The following HTRA4 variants were observed in gnomAD, a reference collection of about 807,000 sequenced individuals.
HTRA4 encodes serine protease HTRA4.
HTRA4 carries 46 observed loss-of-function variants against 49.1 expected under a neutral mutation model. That is an observed-to-expected ratio of 0.94 (90% CI 0.74 to 1.20). HTRA4 has a LOEUF of 1.20. HTRA4 is among the 50% of genes most tolerant of loss of function. The pLI, the probability that HTRA4 is intolerant of heterozygous loss-of-function variation, is 0.00. For missense variants in HTRA4, 602 were observed against 636.9 expected, an observed-to-expected ratio of 0.95 and a Z score of 0.59; for synonymous variants, 261 against 264.0, an observed-to-expected ratio of 0.99 and a Z score of 0.11.
Position 38,982,563 on chromosome 8 carries a change from T to C in HTRA4, c.1172+8T>C, listed in dbSNP as rs763037727. On this transcript the variant is annotated splice_region_variant and intron_variant, in intron 7 of 8. Coordinates refer to ENST00000302495, the MANE Select transcript of HTRA4 (RefSeq NM_153692.4). Reference sequence around the variant, plus strand: ...GCTGTCCCTCACTGTGCCGTAAGCATGTGTTTGAATATGTCTGGGTTGTTT... The same window carrying C: ...GCTGTCCCTCACTGTGCCGTAAGCACGTGTTTGAATATGTCTGGGTTGTTT... The C allele has an allele frequency of 2.5e-6, 4 of 1,613,790 alleles. No homozygotes were observed. Among genetic ancestry groups the C allele is most frequent in the African/African-American group, 2.7e-5 (2 of 74,910 alleles).
In HTRA4 at chr8:38,982,411, CAA is replaced by C. The variant is rs954101757; in HGVS notation, c.1115-85_1115-84del. The C allele has an allele frequency of 8.6e-6, 10 of 1,162,832 alleles. No homozygotes were observed. In the Admixed American group the frequency reaches 9.0e-5, roughly 11 times the overall value. The allele number at this position is 1,162,832 out of a possible 1,614,324, so 72.0% of individuals were successfully genotyped here. On this transcript the variant is annotated intron_variant, in intron 6 of 8. Transcript: ENST00000302495. Reference sequence around the variant, plus strand: ...TAACCTGAAAGGACAGCTGTGATGGCAAAGAGATCCTGGGACATGGGTGTCTT... The same window carrying C: ...TAACCTGAAAGGACAGCTGTGATGGCAGAGATCCTGGGACATGGGTGTCTT...
chr8:38,981,772 A>G lies in HTRA4; in HGVS notation c.1114+5A>G. Reference sequence around the variant, plus strand: ...ACCATGAGCACCAGATGAAAGGTAAAGCAAGTTGGGATTTTTTTTTTTTTG... The same window carrying G: ...ACCATGAGCACCAGATGAAAGGTAAGGCAAGTTGGGATTTTTTTTTTTTTG... On this transcript the variant is annotated splice_donor_5th_base_variant and intron_variant, in intron 6 of 8. Coordinates refer to ENST00000302495, the MANE Select transcript of HTRA4 (RefSeq NM_153692.4). 6.3e-7 allele frequency: 1 copy of G among 1,598,290 alleles called. No homozygotes were observed. Among genetic ancestry groups the G allele is most frequent in the Non-Finnish European group, 8.6e-7 (1 of 1,168,340 alleles).
intron 1 of HTRA4, 108 bp from the exon 2 acceptor site, chr8:38,974,923 C>G (rs1835327306): frequency 7.3e-7 from 1 of 1,370,590 alleles, no homozygotes; most frequent in Non-Finnish European, 1.0e-6. Context: ...CGTGGTTTCT[C>G]CCTCCCCATG....
chr8:38,974,494 T>G lies in HTRA4; in HGVS notation c.231T>G (p.Arg77=). The change falls in exon 1 of 9, where the codon CGT becomes CGG. Residue 77 remains arginine, a synonymous_variant. Transcript: ENST00000302495. ...GCCGCGTCTGCCCCGCGGCCGAGCG[T>G]GAAGTCTGCGGCGGGGCGCAGGGCC... is the stretch of plus-strand genomic sequence containing the variant. ...RCCRVCPAAE[R]EVCGGAQGQP... 6.6e-7 allele frequency: 1 copy of G among 1,510,222 alleles called. No individual in the cohort carries two copies. Among genetic ancestry groups the G allele is most frequent in the Non-Finnish European group, 8.8e-7 (1 of 1,137,192 alleles). The allele number at this position is 1,510,222 out of a possible 1,614,324, so 93.6% of individuals were successfully genotyped here. A position where few individuals can be genotyped will look rare whatever the true frequency, so the allele number is the denominator to read the frequency against.
chr8:38,976,480 G>T, intron 2 of HTRA4, 55 bp from the exon 3 acceptor site: 1 of 1,508,322 alleles, frequency 6.6e-7, no homozygotes, highest in Non-Finnish European at 9.2e-7. Flanking sequence ...AGATTATATG[G>T]CTGTATCCCC....
Position 38,974,701 on chromosome 8 carries a change from T to C in HTRA4, c.438T>C (p.Pro146=). 3 of 1,420,250 alleles carry C rather than the reference T, an allele frequency of 2.1e-6. No homozygotes were observed. Among genetic ancestry groups the C allele is most frequent in the Non-Finnish European group, 2.7e-6 (3 of 1,097,370 alleles). The allele number at this position is 1,420,250 out of a possible 1,614,324, so 88.0% of individuals were successfully genotyped here. The change falls in exon 1 of 9, where the codon CCT becomes CCC. Residue 146 remains proline, a synonymous_variant. Coordinates refer to ENST00000302495, the MANE Select transcript of HTRA4 (RefSeq NM_153692.4). ...GCCTGGGCAAGGTCCCGGCCGTGCC[T>C]GTGCAGTGGGGGAACTGCGGGGATA... ...ARRLGKVPAV[P]VQWGNCGDTG... is the part of the protein sequence containing the mutation.
intron 3 of HTRA4, among the ~76,000 whole-genome samples, chr8:38,977,172 G>A (rs1363957171): frequency 6.6e-6 from 1 of 151,918 alleles, no homozygotes; most frequent in East Asian, 1.9e-4. Context: ...CTGACCTCAA[G>A]TGATCCGCCC....
At chr8:38,981,861 G>GTTTTT in intron 6 of HTRA4, 94 bp downstream of exon 6, 1 of 896,484 alleles carries the variant, frequency 1.1e-6, no homozygotes, top group Non-Finnish European at 1.8e-6. Context: ...TTTTGTTTTT[G>GTTTTT]TTTTTGAGAC....
At chr8:38,980,574 A>AAC (rs1835406092) in intron 5 of HTRA4, among the ~76,000 whole-genome samples, 1 of 30,586 alleles carries the variant, frequency 3.3e-5, no homozygotes, top group Non-Finnish European at 6.1e-5. Context: ...CCTAACATAC[A>AAC]AAAAAAAAAA....
intron 8 of HTRA4, among the ~76,000 whole-genome samples, chr8:38,984,292 C>G (rs982620011): frequency 6.6e-6 from 1 of 151,792 alleles, no homozygotes; most frequent in Non-Finnish European, 1.5e-5. Context: ...TGAGCCACCA[C>G]GCCTGGCCAT....
At chr8:38,976,007 A>G (rs375832100) in intron 2 of HTRA4, among the ~76,000 whole-genome samples, 2 of 152,226 alleles carry the variant, frequency 1.3e-5, no homozygotes, top group African/African-American at 4.8e-5. Flanking sequence ...GGAGAGCTGG[A>G]CCCCACTCTC....
At position 38,978,167 on chromosome 8, in the gene HTRA4, G is replaced by A. The variant is rs377067043; in HGVS notation, c.966+20G>A. ...ATTAATGTAAGTCACTTAGGACAGA[G>A]GTGCCCAACCCATGGGCTGTGGACC... On this transcript the variant is annotated intron_variant, in intron 4 of 8. Transcript: ENST00000302495. The A allele has an allele frequency of 3.8e-6, 6 of 1,598,688 alleles. No individual in the cohort carries two copies. The highest frequency in any genetic ancestry group is 1.7e-5 in the Admixed American group (1 of 58,386).
chr8:38,982,148 C>T (rs1390960254), intron 6 of HTRA4, among the ~76,000 whole-genome samples: 5 of 152,088 alleles, frequency 3.3e-5, no homozygotes, highest in Admixed American at 6.5e-5. Context: ...ATGCCTGGCC[C>T]GGAGACAGCC....
rs542399157 is a variant in HTRA4 at position 38,984,664 on chromosome 8, G to C, written c.1268+1616G>C. ...CTTGGGAGGCTGAGGTCAGAGAATCGCTTGAACCTGGGCAGCAGAGGTTGC... is the reference window on the plus strand; with the variant it reads ...CTTGGGAGGCTGAGGTCAGAGAATCCCTTGAACCTGGGCAGCAGAGGTTGC... On this transcript the variant is annotated intron_variant, in intron 8 of 8. Transcript: ENST00000302495. 2.0e-5 allele frequency among the ~76,000 whole-genome samples: 3 copies of C among 152,058 alleles called. No homozygotes were observed. In the South Asian group the frequency reaches 6.2e-4, roughly 32 times the overall value.
Position 38,974,447 on chromosome 8 carries a change from G to A in HTRA4, c.184G>A (p.Val62Met). 3 of 1,542,342 alleles carry A rather than the reference G, an allele frequency of 1.9e-6. No homozygotes were observed. The highest frequency in any genetic ancestry group is 2.6e-6 in the Non-Finnish European group (3 of 1,148,276). ...LPTCALGTTP[V>M]FDLCRCCRVC... ...CACCTGCGCGCTGGGGACCACGCCG[G>A]TGTTCGACCTGTGCCGCTGTTGCCG... The change falls in exon 1 of 9, where the codon GTG (valine) becomes ATG (methionine). Residue 62 changes from valine to methionine, a missense_variant. Physicochemically the swap from Val to Met is conservative, Grantham distance 21. Coordinates refer to ENST00000302495, the MANE Select transcript of HTRA4 (RefSeq NM_153692.4).
rs763540442 is a variant in HTRA4 at position 38,977,996 on chromosome 8, G to A, written c.815G>A (p.Arg272Gln). The change falls in exon 4 of 9, where the codon CGG becomes CAG. Residue 272 changes from arginine (R) to glutamine (Q), a missense_variant. Transcript: ENST00000302495. ...ATGCTGGGAAGATCATCTGACCTTC[G>A]GGCTGGAGAGTTTGTGGTGGCTTTG... ...VLMLGRSSDLRAGEFVVALGS... is the reference protein window; with the variant it reads ...VLMLGRSSDLQAGEFVVALGS... 93 of 1,613,960 alleles carry A rather than the reference G, an allele frequency of 5.8e-5. No individual in the cohort carries two copies. The highest frequency in any genetic ancestry group is 5.0e-4 in the Middle Eastern group (3 of 6,058).
intron 8 of HTRA4, among the ~76,000 whole-genome samples, chr8:38,986,954 G>T (rs532925816): frequency 6.6e-6 from 1 of 152,198 alleles, no homozygotes; most frequent in Admixed American, 6.5e-5. Flanking sequence ...TGACTCACAG[G>T]ACTAGTATGA....
At chr8:38,984,310 G>A (rs1835459080) in intron 8 of HTRA4, among the ~76,000 whole-genome samples, 1 of 151,290 alleles carries the variant, frequency 6.6e-6, no homozygotes. Context: ...CATATTTTAG[G>A]TATTTTAAAA....
intron 2 of HTRA4, among the ~76,000 whole-genome samples, chr8:38,976,052 C>G (rs1229388817): frequency 6.6e-6 from 1 of 152,210 alleles, no homozygotes. Flanking sequence ...GGGCCCTGTA[C>G]CTGCCAAGTC....
Sources: gnomAD v4.1 joint callset for allele counts (sites outside exome capture counted in the v4.1 genomes callset) on GRCh38, gnomAD v4.1.1 for gene constraint, MANE v1.5 for transcripts, NCBI Gene and HGNC (gene_info 2026-07-23, HGNC 2026-07-21) for gene names.